The following STK39 variants were observed in gnomAD, a reference collection of about 807,000 sequenced individuals.
STK39 encodes the protein STE20/SPS1-related proline-alanine-rich protein kinase.
A neutral mutation model predicts 77.8 loss-of-function variants in STK39; 20 were observed. That is an observed-to-expected ratio of 0.26 (90% confidence interval 0.18 to 0.37). The LOEUF (loss-of-function observed/expected upper bound fraction) is 0.37. Among genes scored for constraint, STK39 ranks in the 10% least tolerant of loss-of-function variants. The pLI, the probability that STK39 is intolerant of heterozygous loss-of-function variation, is 1.00. For synonymous variants in STK39, 246 were observed against 234.1 expected (o/e 1.05, Z -0.47); for missense variants, 479 against 656.5 (o/e 0.73, Z 2.95).
At chr2:168,049,806 T>C (rs185668384) in intron 14 of STK39, among the ~76,000 whole-genome samples, 2 of 152,360 alleles carry the variant, frequency 1.3e-5, no homozygotes, top group Admixed American at 1.3e-4. Flanking sequence ...TCTGTGTTCC[T>C]ACTCTTCCTT....
At chr2:168,119,454 G>A (rs1687348932) in intron 10 of STK39, among the ~76,000 whole-genome samples, 1 of 152,186 alleles carries the variant, frequency 6.6e-6, no homozygotes, top group African/African-American at 2.4e-5. Flanking sequence ...GCAAATGGTA[G>A]ATTGCTTTGA....
intron 10 of STK39, among the ~76,000 whole-genome samples, chr2:168,087,144 C>A (rs1407702131): frequency 6.6e-6 from 1 of 152,136 alleles, no homozygotes; most frequent in Non-Finnish European, 1.5e-5. Context: ...AACGCAGAAA[C>A]CAAATGTTTG....
intron 16 of STK39, among the ~76,000 whole-genome samples, chr2:168,003,793 T>C (rs1171565000): frequency 3.9e-5 from 6 of 152,226 alleles, no homozygotes; most frequent in African/African-American, 1.2e-4. Flanking sequence ...TCTTCCTTTA[T>C]TCCCTGTCAC....
At chr2:167,991,848 C>T (rs113543735) in intron 16 of STK39, among the ~76,000 whole-genome samples, 3 of 152,282 alleles carry the variant, frequency 2.0e-5, no homozygotes, top group African/African-American at 7.2e-5. Flanking sequence ...TAGGTGTACA[C>T]TGAATTCTTC....
chr2:168,068,059 C>T (rs1048902373), intron 12 of STK39, among the ~76,000 whole-genome samples: 1 of 152,132 alleles, frequency 6.6e-6, no homozygotes, highest in Non-Finnish European at 1.5e-5. Context: ...CATCAGATCT[C>T]ATGAGACTTA....
rs1477288860 is a variant in STK39, at chr2:168,163,824, C to A, written c.487G>T (p.Val163Phe). 5 of 1,613,988 alleles carry A rather than the reference C, an allele frequency of 3.1e-6. No homozygotes were observed. Among genetic ancestry groups the A allele is most frequent in the Non-Finnish European group, 4.2e-6 (5 of 1,179,942 alleles). The part of the protein sequence containing the change: ...IVNRGEHKNG[V>F]LEEAIIATIL... ...GTTGCTATTATTGCCTCTTCCAGAA[C>A]TCCATTCTTGTGTTCTCCTCGGTTG... Residue 163 changes from valine (V) to phenylalanine (F), a missense_variant, in exon 4 of 18, where the codon GTT (valine) becomes TTT (phenylalanine). Transcript: ENST00000355999.
At chr2:168,181,113 C>T (rs1386216194) in intron 2 of STK39, among the ~76,000 whole-genome samples, 1 of 152,130 alleles carries the variant, frequency 6.6e-6, no homozygotes, top group Non-Finnish European at 1.5e-5. Flanking sequence ...TACTTTGTAG[C>T]TTGTATGGAG....
intron 4 of STK39, among the ~76,000 whole-genome samples, chr2:168,162,137 T>C (rs1688587494): frequency 6.6e-6 from 1 of 151,934 alleles, no homozygotes; most frequent in South Asian, 2.1e-4. Context: ...AATATAAAAA[T>C]TAGTTGGGCA....
At chr2:168,174,922 A>AGAG (rs1404000880) in intron 2 of STK39, among the ~76,000 whole-genome samples, 1 of 151,822 alleles carries the variant, frequency 6.6e-6, no homozygotes, top group Non-Finnish European at 1.5e-5. Flanking sequence ...CTGGAAACCT[A>AGAG]GAGGCCAACT....
At chr2:167,961,341 A>G (rs1005740698) in intron 17 of STK39, among the ~76,000 whole-genome samples, 16 of 152,242 alleles carry the variant, frequency 1.1e-4, no homozygotes, top group African/African-American at 3.9e-4. Flanking sequence ...TTCAGTAACT[A>G]AAGTCTATAA....
intron 14 of STK39, among the ~76,000 whole-genome samples, chr2:168,019,590 C>A (rs1684520398): frequency 6.6e-6 from 1 of 152,192 alleles, no homozygotes; most frequent in Non-Finnish European, 1.5e-5. Context: ...GGACCCCAGA[C>A]TAAAGAACCC....
intron 14 of STK39, among the ~76,000 whole-genome samples, chr2:168,051,834 C>T (rs1685403676): frequency 6.6e-6 from 1 of 152,124 alleles, no homozygotes. Context: ...TGGCACAATT[C>T]ACCCCACTTC....
intron 10 of STK39, among the ~76,000 whole-genome samples, chr2:168,093,929 T>A (rs1686593371): frequency 6.6e-6 from 1 of 152,176 alleles, no homozygotes; most frequent in South Asian, 2.1e-4. Context: ...TCCCTCTATT[T>A]CAATCACACA....
At position 168,140,718 on chromosome 2, in the gene STK39, A is replaced by T. The variant is rs1419681763; in HGVS notation, c.669T>A (p.Val223=). Residue 223 remains valine (V), a synonymous_variant, in exon 6 of 18, where the codon GTT becomes GTA. Transcript: ENST00000355999. ...VSAFLATGGD[V]TRNKVRKTFV... is the part of the protein sequence containing the mutation. The stretch of plus-strand genomic sequence containing the variant: ...ATGTTTTTCTTACTTTATTTCGGGT[A>T]ACATCACCCCCTGTTGCTAGGAACG... 2 of 1,611,936 alleles carry T rather than the reference A, an allele frequency of 1.2e-6. No individual in the cohort carries two copies. Among genetic ancestry groups the T allele is most frequent in the Non-Finnish European group, 8.5e-7 (1 of 1,178,314 alleles).
Position 168,206,454 on chromosome 2 carries a change from C to T in STK39, c.209-24364G>A, listed in dbSNP as rs149250318. ...TCATTGGGATTACAAGCGTCCGCCA[C>T]CACACCCAGCTAATTTTCGTTATTT... On this transcript the variant is annotated intron_variant, in intron 1 of 17. Transcript: ENST00000355999. Among the ~76,000 whole-genome samples, 814 of 152,204 alleles carry T rather than the reference C, an allele frequency of 5.3e-3. 8 individuals carry two copies. Among genetic ancestry groups the T allele is most frequent in the African/African-American group, 0.019 (773 of 41,516 alleles).
At chr2:168,137,934 T>C (rs1219195802) in intron 8 of STK39, among the ~76,000 whole-genome samples, 154 bp downstream of exon 8, 1 of 152,210 alleles carries the variant, frequency 6.6e-6, no homozygotes, top group East Asian at 1.9e-4. Context: ...CCACACCGTC[T>C]TTCACTAACA....
chr2:168,119,677 T>A (rs1353336956), intron 10 of STK39, among the ~76,000 whole-genome samples: 1 of 152,144 alleles, frequency 6.6e-6, no homozygotes, highest in South Asian at 2.1e-4. Context: ...CTTTCCACAA[T>A]GGCACAGACT....
chr2:168,125,507 T>A (rs995189383), intron 10 of STK39, among the ~76,000 whole-genome samples: 2 of 152,178 alleles, frequency 1.3e-5, no homozygotes, highest in Non-Finnish European at 2.9e-5. Flanking sequence ...TACTAGCATG[T>A]TCTCATTTAG....
At chr2:168,177,063 C>A (rs1010033861) in intron 2 of STK39, among the ~76,000 whole-genome samples, 1 of 152,086 alleles carries the variant, frequency 6.6e-6, no homozygotes, top group African/African-American at 2.4e-5. Flanking sequence ...GGGAGTCAAG[C>A]AAAGAAAGCA....
Sources: allele counts gnomAD v4.1 joint callset (sites outside exome capture counted in the v4.1 genomes callset), GRCh38; gene constraint gnomAD v4.1.1; transcripts MANE v1.5; gene names NCBI Gene and HGNC (gene_info 2026-07-23, HGNC 2026-07-21).